Variants in ZNF587B observed in about 807,000 individuals in gnomAD.
The protein encoded by ZNF587B is zinc finger protein 587B.
A neutral mutation model predicts 7.2 loss-of-function variants in ZNF587B; 6 were observed. The observed-to-expected ratio is 0.83, with a 90% confidence interval of 0.46 to 1.65. ZNF587B has a LOEUF of 1.65. Ranked by LOEUF, ZNF587B falls within the 40% of genes most tolerant of loss-of-function variation. The pLI is 0.01. For synonymous variants in ZNF587B, 274 were observed against 254.3 expected (o/e 1.08, Z -0.74); for missense variants, 749 against 761.0 (o/e 0.98, Z 0.19).
rs545814010 is a variant in ZNF587B at position 57,842,983 on chromosome 19, T to G, written c.*407T>G. On this transcript the variant is annotated 3_prime_UTR_variant, in exon 3 of 3. Transcript: ENST00000594901. The stretch of plus-strand genomic sequence containing the variant: ...ACTGTAGATGTATAGGTTAGATATA[T>G]AGGGAATGTTATTATTTTTTCCTTT... 1.7e-4 allele frequency: 163 copies of G among 984,916 alleles called. 1 individual carries two copies. In the South Asian group the frequency reaches 4.3e-3, roughly 26 times the overall value. The allele number at this position is 984,916 out of a possible 1,614,324, so 61.0% of individuals were successfully genotyped here. A position where few individuals can be genotyped will look rare whatever the true frequency, so the allele number is the denominator to read the frequency against.
chr19:57,836,217 A>G (rs1044677322), intron 1 of ZNF587B, among the ~76,000 whole-genome samples: 1 of 152,004 alleles, frequency 6.6e-6, no homozygotes, highest in Non-Finnish European at 1.5e-5. Flanking sequence ...GAATAGGGTC[A>G]TGGATAGCTG....
intron 1 of ZNF587B, among the ~76,000 whole-genome samples, chr19:57,833,585 TATTCTC>T (rs1351042509): frequency 1.3e-5 from 2 of 151,940 alleles, no homozygotes; most frequent in African/African-American, 4.8e-5. Flanking sequence ...TTTCCTCTGT[TATTCTC>T]AAGCAGGTGG....
chr19:57,834,781 G>A (rs373084907), intron 1 of ZNF587B, among the ~76,000 whole-genome samples: 2,142 of 121,620 alleles, frequency 0.018, 31 homozygotes, highest in African/African-American at 0.047. Context: ...GGAGGCAGAG[G>A]TTGCAGTGAG....
chr19:57,836,830 G>T (rs1036681241), intron 1 of ZNF587B, among the ~76,000 whole-genome samples: 4 of 152,026 alleles, frequency 2.6e-5, no homozygotes, highest in East Asian at 1.9e-4. Context: ...CAGGCATGGT[G>T]GTACACTCAT....
At chr19:57,831,068 A>C (rs1402439311) in intron 1 of ZNF587B, among the ~76,000 whole-genome samples, 1 of 152,198 alleles carries the variant, frequency 6.6e-6, no homozygotes, top group Non-Finnish European at 1.5e-5. Flanking sequence ...TATCAATCAG[A>C]CGAATTCCTG....
Position 57,842,421 on chromosome 19 carries a change from T to C in ZNF587B, c.1747T>C (p.Cys583Arg). ...TGQKPYECSE[C>R]GKSFAGISSL... ...TCAGAAGCCTTATGAGTGCAGTGAA[T>C]GTGGGAAATCTTTTGCTGGAATCTC... The change falls in exon 3 of 3, where the codon TGT becomes CGT. Residue 583 changes from cysteine to arginine, a missense_variant. Cys to Arg is a radical substitution (Grantham distance 180). This residue lies in a region of ZNF587B where 656 missense variants were observed against 596.5 expected (regional missense o/e 1.10). Coordinates refer to ENST00000594901, the MANE Select transcript of ZNF587B (RefSeq NM_001376223.1). The C allele has an allele frequency of 6.2e-7, 1 of 1,602,256 alleles. No homozygotes were observed. The highest frequency in any genetic ancestry group is 1.7e-5 in the Admixed American group (1 of 58,088).
intron 2 of ZNF587B, among the ~76,000 whole-genome samples, chr19:57,839,353 C>T (rs1439145378): frequency 1.3e-5 from 2 of 152,206 alleles, no homozygotes; most frequent in African/African-American, 2.4e-5. Context: ...TTACTGCAGG[C>T]TCCCAGGGAG....
rs1988325274 is a variant in ZNF587B at position 57,830,370 on chromosome 19, A to T, written c.-159A>T. 1.4e-6 allele frequency: 1 copy of T among 697,742 alleles called. No individual in the cohort carries two copies. The highest frequency in any genetic ancestry group is 2.4e-6 in the Non-Finnish European group (1 of 422,198). 43.2% of individuals were successfully genotyped at this position (697,742 alleles called of 1,614,324 possible). A position where few individuals can be genotyped will look rare whatever the true frequency, so the allele number is the denominator to read the frequency against. On this transcript the variant is annotated 5_prime_UTR_variant, in exon 1 of 3. The change creates a new upstream start codon in the 5' untranslated region. Transcript: ENST00000594901. ...CGGCACTGCGGTGACTGAACCCAGA[A>T]GGCGGAGAACAGTTGTCCTCTGCTG...
At chr19:57,838,025 T>G (rs540027136) in intron 1 of ZNF587B, among the ~76,000 whole-genome samples, 1 of 152,106 alleles carries the variant, frequency 6.6e-6, no homozygotes, top group Non-Finnish European at 1.5e-5. Context: ...ATACTTTAAG[T>G]TGGCTGGACA....
rs1192662290 is a variant in ZNF587B, at chr19:57,845,590, C to A, written c.*3014C>A. Reference sequence around the variant, plus strand: ...GACCTTCCTGCTACATCAATATTTGCTTCTATGGAGGCTAGTTTCCCCACT... The same window carrying A: ...GACCTTCCTGCTACATCAATATTTGATTCTATGGAGGCTAGTTTCCCCACT... On this transcript the variant is annotated 3_prime_UTR_variant, in exon 3 of 3. Transcript: ENST00000594901. 1 of 152,140 alleles carries A rather than the reference C, an allele frequency of 6.6e-6. No homozygotes were observed. The highest frequency in any genetic ancestry group is 1.5e-5 in the Non-Finnish European group (1 of 68,028). 9.4% of individuals were successfully genotyped at this position (152,140 alleles called of 1,614,324 possible). A position where few individuals can be genotyped will look rare whatever the true frequency, so the allele number is the denominator to read the frequency against.
Position 57,843,143 on chromosome 19 carries a change from C to CATGCCTGTGG in ZNF587B, c.*568_*569insTGCCTGTGGA. The stretch of plus-strand genomic sequence containing the variant: ...CCATGTAGCTGGGTCCACAGGCATG[C>CATGCCTGTGG]ACCACCATGCCTGGCTATTTTCTCA... On this transcript the variant is annotated 3_prime_UTR_variant, in exon 3 of 3. Coordinates refer to ENST00000594901, the MANE Select transcript of ZNF587B (RefSeq NM_001376223.1). 2 of 532,720 alleles carry CATGCCTGTGG rather than the reference C, an allele frequency of 3.8e-6. No individual in the cohort carries two copies. Among genetic ancestry groups the CATGCCTGTGG allele is most frequent in the Non-Finnish European group, 4.8e-6 (2 of 416,882 alleles). The allele number at this position is 532,720 out of a possible 1,614,324, so 33.0% of individuals were successfully genotyped here. A position where few individuals can be genotyped will look rare whatever the true frequency, so the allele number is the denominator to read the frequency against.
At chr19:57,835,467 C>T (rs2122216571) in intron 1 of ZNF587B, among the ~76,000 whole-genome samples, 1 of 124,954 alleles carries the variant, frequency 8.0e-6, no homozygotes, top group Non-Finnish European at 1.7e-5. Flanking sequence ...AGCAATTCTC[C>T]TGCCTCAGCC....
At chr19:57,838,164 A>T (rs1234125760) in intron 1 of ZNF587B, among the ~76,000 whole-genome samples, 2 of 151,604 alleles carry the variant, frequency 1.3e-5, no homozygotes, top group East Asian at 3.9e-4. Flanking sequence ...TAAATTAGCC[A>T]GGTGTGGTGG....
At chr19:57,836,928 G>A (rs979312133) in intron 1 of ZNF587B, among the ~76,000 whole-genome samples, 9 of 137,294 alleles carry the variant, frequency 6.6e-5, no homozygotes, top group African/African-American at 1.4e-4. Context: ...GCACCACCCC[G>A]CTCCAGCCTG....
rs1219607276 is a variant in ZNF587B, at chr19:57,842,942, CTG to C, written c.*367_*368del. On this transcript the variant is annotated 3_prime_UTR_variant, in exon 3 of 3. Coordinates refer to ENST00000594901, the MANE Select transcript of ZNF587B (RefSeq NM_001376223.1). Reference sequence around the variant, plus strand: ...CCTTCTGTCATTGAATCCTAGAACACTGAGATGAGAAAAACACTGTAGATGTA... The same window carrying C: ...CCTTCTGTCATTGAATCCTAGAACACAGATGAGAAAAACACTGTAGATGTA... 2.0e-6 allele frequency: 2 copies of C among 985,356 alleles called. No individual in the cohort carries two copies. Among genetic ancestry groups the C allele is most frequent in the African/African-American group, 3.5e-5 (2 of 57,334 alleles). 61.0% of individuals were successfully genotyped at this position (985,356 alleles called of 1,614,324 possible). A position where few individuals can be genotyped will look rare whatever the true frequency, so the allele number is the denominator to read the frequency against.
intron 1 of ZNF587B, among the ~76,000 whole-genome samples, chr19:57,836,484 T>C (rs113391486): frequency 0.089 from 13,617 of 152,156 alleles, 1,739 homozygotes; most frequent in African/African-American, 0.29. Context: ...CAAGTTTCTT[T>C]CCCATTTAAC....
At chr19:57,839,403 T>A (rs1393830652) in intron 2 of ZNF587B, among the ~76,000 whole-genome samples, 1 of 152,112 alleles carries the variant, frequency 6.6e-6, no homozygotes, top group African/African-American at 2.4e-5. Context: ...GTCCTGTGGA[T>A]GTTTGGGTGT....
intron 1 of ZNF587B, among the ~76,000 whole-genome samples, chr19:57,837,101 A>G (rs1215108558): frequency 3.3e-5 from 5 of 152,154 alleles, no homozygotes; most frequent in African/African-American, 9.7e-5. Context: ...AAATAAGTCA[A>G]TGGCATCCTC....
In ZNF587B at chr19:57,843,315, GGGA is replaced by G. The variant is rs1345836580; in HGVS notation, c.*744_*746del. 3 of 985,258 alleles carry G rather than the reference GGGA, an allele frequency of 3.0e-6. No individual in the cohort carries two copies. Among genetic ancestry groups the G allele is most frequent in the Non-Finnish European group, 3.6e-6 (3 of 829,920 alleles). 61.0% of individuals were successfully genotyped at this position (985,258 alleles called of 1,614,324 possible). The stretch of plus-strand genomic sequence containing the variant: ...CCAATTATGTTTTTCTGTGTAACAT[GGGA>G]GGAGATCCTTTGAGGGCACCATGTG... On this transcript the variant is annotated 3_prime_UTR_variant, in exon 3 of 3. Coordinates refer to ENST00000594901, the MANE Select transcript of ZNF587B (RefSeq NM_001376223.1).
Sources: allele counts gnomAD v4.1 joint callset (sites outside exome capture counted in the v4.1 genomes callset), GRCh38; gene constraint gnomAD v4.1.1; regional missense constraint gnomAD v4.1.1; transcripts MANE v1.5; gene names NCBI Gene and HGNC (gene_info 2026-07-23, HGNC 2026-07-21).